Variants in GRIK1 observed in about 807,000 individuals in gnomAD.
GRIK1 encodes glutamate receptor ionotropic, kainate 1.
Under a neutral mutation model 105.7 loss-of-function variants are expected in GRIK1, and 69 were observed. The observed-to-expected ratio is 0.65, with a 90% CI of 0.54 to 0.80. The LOEUF (loss-of-function observed/expected upper bound fraction) is 0.80. Ranked by LOEUF, GRIK1 falls within the 30% of genes least tolerant of loss-of-function variation. GRIK1 has a pLI of 0.00. For synonymous variants in GRIK1, 438 were observed against 431.3 expected (o/e 1.02, Z -0.19); for missense variants, 1,109 against 1,167.3 (o/e 0.95, Z 0.73).
Position 29,846,791 on chromosome 21 carries a change from T to C in GRIK1, c.118+92592A>G, listed in dbSNP as rs149325722. Among the ~76,000 whole-genome samples, 246 of 152,348 alleles carry C rather than the reference T, an allele frequency of 1.6e-3. 2 individuals are homozygous for C. Among genetic ancestry groups the C allele is most frequent in the Non-Finnish European group, 3.1e-3 (210 of 68,038 alleles). ...AGTTGGCAAATATTCTTTATAGTTT[T>C]TGGTTTCAAGTTTTAATTATTTTCT... On this transcript the variant is annotated intron_variant, in intron 1 of 17. Coordinates refer to ENST00000327783, the MANE Select transcript of GRIK1 (RefSeq NM_001330994.2).
intron 3 of GRIK1, among the ~76,000 whole-genome samples, chr21:29,684,901 T>C (rs1275794663): frequency 6.6e-6 from 1 of 152,228 alleles, no homozygotes; most frequent in South Asian, 2.1e-4. Context: ...TCATTCATCA[T>C]TTATCTACCT....
chr21:29,767,200 A>G (rs2065688565), intron 1 of GRIK1, among the ~76,000 whole-genome samples: 1 of 152,248 alleles, frequency 6.6e-6, no homozygotes. Flanking sequence ...GCATCATAAA[A>G]TCAGGGGAAA....
chr21:29,658,077 T>C (rs1035235827), intron 4 of GRIK1, among the ~76,000 whole-genome samples: 2 of 152,156 alleles, frequency 1.3e-5, no homozygotes, highest in East Asian at 3.9e-4. Flanking sequence ...ATTAGGGCGG[T>C]ATTGCTAGGA....
intron 1 of GRIK1, among the ~76,000 whole-genome samples, chr21:29,737,948 AT>A (rs981767258): frequency 6.6e-5 from 10 of 152,264 alleles, no homozygotes; most frequent in African/African-American, 2.4e-4. Flanking sequence ...TACGCTATTG[AT>A]TTTTTTGTGA....
chr21:29,560,594 C>A, intron 15 of GRIK1, among the ~76,000 whole-genome samples: 1 of 77,900 alleles, frequency 1.3e-5, no homozygotes, highest in African/African-American at 4.8e-5. Flanking sequence ...CTTTCTTTCT[C>A]TCCTTCCTTC....
chr21:29,806,047 A>G (rs1004032442), intron 1 of GRIK1, among the ~76,000 whole-genome samples: 14 of 152,290 alleles, frequency 9.2e-5, no homozygotes, highest in African/African-American at 3.1e-4. Flanking sequence ...ATAATAATCT[A>G]GAGTAAATAA....
chr21:29,677,397 T>G (rs1361515016), intron 3 of GRIK1, among the ~76,000 whole-genome samples: 1 of 152,252 alleles, frequency 6.6e-6, no homozygotes, highest in Non-Finnish European at 1.5e-5. Flanking sequence ...GAAGGCTGTT[T>G]TTTTTCACAT....
At position 29,862,920 on chromosome 21, in the gene GRIK1, C is replaced by T. The variant is rs558327864; in HGVS notation, c.118+76463G>A. On this transcript the variant is annotated intron_variant, in intron 1 of 17. Transcript: ENST00000327783. ...GGTGAAATTTTTATGACAACAAAGA[C>T]CTCAATATTTGGTCTGCTGGCAGTA... Among the ~76,000 whole-genome samples the T allele has an allele frequency of 5.3e-5, 8 of 152,274 alleles. No homozygotes were observed. The East Asian group carries it at 1.5e-3, about 29-fold the overall frequency.
intron 1 of GRIK1, among the ~76,000 whole-genome samples, chr21:29,901,104 C>G (rs1462881636): frequency 6.6e-6 from 1 of 152,156 alleles, no homozygotes; most frequent in Non-Finnish European, 1.5e-5. Flanking sequence ...AACAAAGACA[C>G]AACGTACCAG....
At chr21:29,631,764 T>C (rs1173334192) in intron 7 of GRIK1, among the ~76,000 whole-genome samples, 1 of 152,254 alleles carries the variant, frequency 6.6e-6, no homozygotes, top group African/African-American at 2.4e-5. Context: ...ATTTTGGATA[T>C]ACTGGGTTAA....
chr21:29,701,899 G>A (rs2063819360), intron 1 of GRIK1, among the ~76,000 whole-genome samples: 1 of 152,166 alleles, frequency 6.6e-6, no homozygotes. Flanking sequence ...AGGGAGTTGA[G>A]GATAACATCA....
intron 1 of GRIK1, among the ~76,000 whole-genome samples, chr21:29,733,110 G>T (rs1215452122): frequency 6.6e-6 from 1 of 152,090 alleles, no homozygotes; most frequent in East Asian, 1.9e-4. Context: ...TTGGGGCCTT[G>T]CTACTACTAA....
chr21:29,677,706 A>G (rs1198823126), intron 3 of GRIK1, among the ~76,000 whole-genome samples: 1 of 152,184 alleles, frequency 6.6e-6, no homozygotes, highest in African/African-American at 2.4e-5. Flanking sequence ...CATGCCTTAT[A>G]AATAGCGAAA....
At chr21:29,913,148 G>A (rs544024361) in intron 1 of GRIK1, among the ~76,000 whole-genome samples, 1 of 152,162 alleles carries the variant, frequency 6.6e-6, no homozygotes, top group East Asian at 1.9e-4. Flanking sequence ...TGCCCTGGCA[G>A]TTTGGCAAGA....
chr21:29,906,626 G>A (rs1275775965), intron 1 of GRIK1, among the ~76,000 whole-genome samples: 1 of 151,976 alleles, frequency 6.6e-6, no homozygotes, highest in Non-Finnish European at 1.5e-5. Flanking sequence ...TTAAGAAATA[G>A]TTGAAGGCAA....
At chr21:29,936,658 T>C (rs1419203267) in intron 1 of GRIK1, among the ~76,000 whole-genome samples, 1 of 152,232 alleles carries the variant, frequency 6.6e-6, no homozygotes, top group Admixed American at 6.5e-5. Context: ...CTCTTAACTG[T>C]TGCATAAGAT....
chr21:29,679,492 T>C (rs1388319420), intron 3 of GRIK1, among the ~76,000 whole-genome samples: 1 of 152,176 alleles, frequency 6.6e-6, no homozygotes, highest in Admixed American at 6.5e-5. Context: ...CCAGCCCAGA[T>C]CCATTTTCTA....
At chr21:29,646,028 G>A (rs1157733873) in intron 6 of GRIK1, among the ~76,000 whole-genome samples, 1 of 152,142 alleles carries the variant, frequency 6.6e-6, no homozygotes, top group Non-Finnish European at 1.5e-5. Context: ...ACTGGCTCTT[G>A]AGAGATAACT....
rs188272669 is a variant in GRIK1 at position 29,560,803 on chromosome 21, T to C, written c.2356+821A>G. 1.8e-3 allele frequency among the ~76,000 whole-genome samples: 268 copies of C among 151,958 alleles called. 1 individual carries two copies. Among genetic ancestry groups the C allele is most frequent in the African/African-American group, 6.1e-3 (253 of 41,424 alleles). ...TTTTAGTAGAGACGGGGTTTCACCA[T>C]GTTGGCCAGGATAGTCTCGATCTCC... On this transcript the variant is annotated intron_variant, in intron 15 of 17. Transcript: ENST00000327783.
Sources: gnomAD v4.1 joint callset for allele counts (sites outside exome capture counted in the v4.1 genomes callset) on GRCh38, gnomAD v4.1.1 for gene constraint, MANE v1.5 for transcripts, NCBI Gene and HGNC (gene_info 2026-07-23, HGNC 2026-07-21) for gene names.